Variants in MRTFA observed in about 807,000 individuals in gnomAD.
MRTFA encodes myocardin-related transcription factor A.
A neutral mutation model predicts 83.5 loss-of-function variants in MRTFA; 20 were observed. That is an observed-to-expected ratio of 0.24 (90% CI 0.17 to 0.35). The LOEUF is 0.35. MRTFA is among the 10% of genes least tolerant of loss of function. The probability of loss-of-function intolerance (pLI) is 1.00; values close to 1 mark genes in which losing one functional copy is unlikely to be tolerated. For missense variants in MRTFA, 1,200 were observed against 1,224.7 expected, an observed-to-expected ratio of 0.98 and a Z score of 0.30; for synonymous variants, 659 against 541.2, an observed-to-expected ratio of 1.22 and a Z score of -3.02.
chr22:40,421,169 C>CT, intron 9 of MRTFA, 69 bp from the exon 10 acceptor site: 1 of 1,478,000 alleles, frequency 6.8e-7, no homozygotes, highest in Non-Finnish European at 9.0e-7. Flanking sequence ...GCTGGCAACT[C>CT]TCCCCACACC....
At chr22:40,512,251 G>A (rs1435139682) in intron 3 of MRTFA, among the ~76,000 whole-genome samples, 1 of 152,186 alleles carries the variant, frequency 6.6e-6, no homozygotes, top group Non-Finnish European at 1.5e-5. Flanking sequence ...TGTTTTACAG[G>A]TGCTCATCAA....
chr22:40,456,207 G>A (rs1018753791), intron 4 of MRTFA, among the ~76,000 whole-genome samples: 2 of 151,832 alleles, frequency 1.3e-5, no homozygotes, highest in Non-Finnish European at 2.9e-5. Context: ...TCTTTCCAGG[G>A]GCTATAAAAA....
At chr22:40,477,618 T>G (rs1431667379) in intron 3 of MRTFA, among the ~76,000 whole-genome samples, 1 of 152,166 alleles carries the variant, frequency 6.6e-6, no homozygotes, top group Non-Finnish European at 1.5e-5. Flanking sequence ...TAGAGGCTTT[T>G]ACATCAGATT....
rs760659961 is a variant in MRTFA at position 40,419,130 on chromosome 22, C to A, written c.1608G>T (p.Val536=). Residue 536 remains valine (V), a synonymous_variant, in exon 12 of 15, where the codon GTG becomes GTT. Transcript: ENST00000355630. Reference sequence around the variant, plus strand: ...CAAACTTCACCACCCCACTGCTGGCCACCGTGGCCACCACCACCTCAGCTG... The same window carrying A: ...CAAACTTCACCACCCCACTGCTGGCAACCGTGGCCACCACCACCTCAGCTG... 6.3e-7 allele frequency: 1 copy of A among 1,587,348 alleles called. No homozygotes were observed. Among genetic ancestry groups the A allele is most frequent in the African/African-American group, 1.3e-5 (1 of 74,126 alleles).
At chr22:40,505,589 ATAGTAT>A (rs2054567094) in intron 3 of MRTFA, among the ~76,000 whole-genome samples, 1 of 152,266 alleles carries the variant, frequency 6.6e-6, no homozygotes, top group Non-Finnish European at 1.5e-5. Context: ...TGTCAACGTG[ATAGTAT>A]TAGGAGGTGA....
At chr22:40,451,664 G>A (rs1236128295) in intron 4 of MRTFA, among the ~76,000 whole-genome samples, 1 of 152,096 alleles carries the variant, frequency 6.6e-6, no homozygotes, top group East Asian at 1.9e-4. Flanking sequence ...TCGACACAGG[G>A]AATTCCAAAA....
At chr22:40,561,106 T>G (rs2055608229) in intron 2 of MRTFA, among the ~76,000 whole-genome samples, 1 of 151,588 alleles carries the variant, frequency 6.6e-6, no homozygotes, top group South Asian at 2.1e-4. Flanking sequence ...TGATTTATTT[T>G]CAATGCAGTA....
At position 40,610,932 on chromosome 22, in the gene MRTFA, CTTTTTT is replaced by C. The variant is rs746175814; in HGVS notation, c.-83-16203_-83-16198del. ...CACCAAAGAGAGTTGTTTTCTTTTA[CTTTTTT>C]TTTTTTTTTTTTTTTTTGAGATAGA... On this transcript the variant is annotated intron_variant, in intron 1 of 14. Coordinates refer to ENST00000355630, the MANE Select transcript of MRTFA (RefSeq NM_020831.6). Among the ~76,000 whole-genome samples the C allele has an allele frequency of 1.0e-3, 109 of 108,338 alleles. 1 individual carries two copies. Among genetic ancestry groups the C allele is most frequent in the African/African-American group, 3.2e-3 (92 of 28,932 alleles). 71.1% of individuals were successfully genotyped at this position (108,338 alleles called of 152,430 possible).
Position 40,416,373 on chromosome 22 carries a change from C to A in MRTFA, c.2578+613G>T, listed in dbSNP as rs2052679269. ...CCCTGCTTCTGCCCTTGCACGGCTA[C>A]TATCGCCTGGGTCCTGCATCAGACC... On this transcript the variant is annotated intron_variant, in intron 14 of 14. Transcript: ENST00000355630. The surrounding 1 kb of genome is among the most constrained non-coding windows in gnomAD (Gnocchi z 4.2). Among the ~76,000 whole-genome samples the A allele has an allele frequency of 6.6e-6, 1 of 152,272 alleles. No individual in the cohort carries two copies. Among genetic ancestry groups the A allele is most frequent in the Admixed American group, 6.5e-5 (1 of 15,292 alleles).
chr22:40,528,858 T>G lies in MRTFA; in HGVS notation c.241+23248A>C, dbSNP rs191588966. 2.5e-3 allele frequency among the ~76,000 whole-genome samples: 378 copies of G among 152,286 alleles called. 1 individual carries two copies. The highest frequency in any genetic ancestry group is 2.5e-3 in the Non-Finnish European group (173 of 68,030). Reference sequence around the variant, plus strand: ...CCCAACACAAATTTGTAAACTTTCTTAAAACATTATGAGATTCTTTTTTTT... The same window carrying G: ...CCCAACACAAATTTGTAAACTTTCTGAAAACATTATGAGATTCTTTTTTTT... On this transcript the variant is annotated intron_variant, in intron 3 of 14. Transcript: ENST00000355630.
At chr22:40,534,784 T>A (rs1033220589) in intron 3 of MRTFA, among the ~76,000 whole-genome samples, 1 of 152,260 alleles carries the variant, frequency 6.6e-6, no homozygotes, top group Admixed American at 6.5e-5. Flanking sequence ...TGTGTTTATC[T>A]AGAATTCTTC....
At chr22:40,578,273 A>G (rs1290043610) in intron 2 of MRTFA, among the ~76,000 whole-genome samples, 1 of 152,088 alleles carries the variant, frequency 6.6e-6, no homozygotes, top group Non-Finnish European at 1.5e-5. Flanking sequence ...GATCTTTTCA[A>G]TAACACTACT....
intron 3 of MRTFA, among the ~76,000 whole-genome samples, chr22:40,508,326 A>G (rs572686525): frequency 6.6e-6 from 1 of 152,058 alleles, no homozygotes; most frequent in South Asian, 2.1e-4. Context: ...CCTGACCGAC[A>G]TGGTGAAACC....
intron 2 of MRTFA, among the ~76,000 whole-genome samples, chr22:40,592,628 A>G (rs1330766062): frequency 6.6e-6 from 1 of 151,952 alleles, no homozygotes; most frequent in Admixed American, 6.6e-5. Flanking sequence ...AAATGGGACT[A>G]CAGGCACATG....
chr22:40,576,204 T>A (rs901242215), intron 2 of MRTFA, among the ~76,000 whole-genome samples: 3 of 151,966 alleles, frequency 2.0e-5, no homozygotes, highest in South Asian at 4.1e-4. Flanking sequence ...AATTTTTTTT[T>A]ATTTTTAGTA....
chr22:40,480,241 T>A (rs2054065122), intron 3 of MRTFA, among the ~76,000 whole-genome samples: 1 of 152,096 alleles, frequency 6.6e-6, no homozygotes. Flanking sequence ...CACCTCTCTT[T>A]TCTCATAAAA....
chr22:40,582,040 G>A (rs1375824641), intron 2 of MRTFA, among the ~76,000 whole-genome samples: 1 of 152,126 alleles, frequency 6.6e-6, no homozygotes, highest in Non-Finnish European at 1.5e-5. Context: ...ACCTTAAAAA[G>A]AAACCCCATT....
intron 3 of MRTFA, among the ~76,000 whole-genome samples, chr22:40,474,995 C>T (rs753917685): frequency 2.0e-5 from 3 of 151,996 alleles, no homozygotes; most frequent in Non-Finnish European, 4.4e-5. Flanking sequence ...TGTGCCACCA[C>T]GCCTGACTAA....
intron 3 of MRTFA, among the ~76,000 whole-genome samples, chr22:40,549,357 A>G (rs1889849910): frequency 6.6e-6 from 1 of 152,264 alleles, no homozygotes; most frequent in African/African-American, 2.4e-5. Context: ...ATGGAAAAAT[A>G]AATTGCATTT....
Sources: allele counts gnomAD v4.1 joint callset (sites outside exome capture counted in the v4.1 genomes callset), GRCh38; gene constraint gnomAD v4.1.1; non-coding constraint Gnocchi (gnomAD v3.1); transcripts MANE v1.5; gene names NCBI Gene and HGNC (gene_info 2026-07-23, HGNC 2026-07-21).